Variants in NFAT5 observed in about 807,000 individuals in gnomAD.
NFAT5 encodes nuclear factor of activated T cells 5.
In NFAT5, 31 loss-of-function variants were observed where a neutral mutation model predicts 166.5. The observed-to-expected ratio is 0.19, with a 90% CI of 0.14 to 0.25. The LOEUF is 0.25. NFAT5 is among the 10% of genes least tolerant of loss of function. The pLI is 1.00. For synonymous variants in NFAT5, 612 were observed against 639.7 expected (o/e 0.96, Z 0.65); for missense variants, 1,449 against 1,821.8 (o/e 0.80, Z 3.72).
At chr16:69,677,748 A>AG (rs1330439780) in intron 10 of NFAT5, among the ~76,000 whole-genome samples, 1 of 152,242 alleles carries the variant, frequency 6.6e-6, no homozygotes, top group Non-Finnish European at 1.5e-5. Flanking sequence ...CTAGAGTGAC[A>AG]GGTGATAAAA....
In NFAT5 at chr16:69,693,149, T is replaced by G. The variant is rs986404137; in HGVS notation, c.3324T>G (p.Gly1108=). 3 of 1,613,976 alleles carry G rather than the reference T, an allele frequency of 1.9e-6. No individual in the cohort carries two copies. Among genetic ancestry groups the G allele is most frequent in the Non-Finnish European group, 2.5e-6 (3 of 1,180,012 alleles). ...AGAACCTTTCCCAGGAAACTCAAGGTTCTCTCTTTCATAGTCCAAATCCTA... is the reference window on the plus strand; with the variant it reads ...AGAACCTTTCCCAGGAAACTCAAGGGTCTCTCTTTCATAGTCCAAATCCTA... ...DAQNLSQETQ[G]SLFHSPNPIV... Residue 1108 remains glycine (G), a synonymous_variant, in exon 13 of 15, where the codon GGT becomes GGG. Transcript: ENST00000349945.
chr16:69,651,383 A>T (rs1018816317), intron 4 of NFAT5, among the ~76,000 whole-genome samples: 5 of 152,164 alleles, frequency 3.3e-5, no homozygotes, highest in African/African-American at 1.2e-4. Flanking sequence ...CCAAGGATTC[A>T]ACCTACTCCC....
Position 69,653,386 on chromosome 16 carries a change from C to T in NFAT5, c.963C>T (p.Gly321=). The T allele has an allele frequency of 1.2e-6, 2 of 1,604,312 alleles. No homozygotes were observed. Among genetic ancestry groups the T allele is most frequent in the Non-Finnish European group, 1.7e-6 (2 of 1,177,584 alleles). Residue 321 remains glycine (G), a synonymous_variant, in exon 5 of 15, where the codon GGC becomes GGT. Coordinates refer to ENST00000349945, the MANE Select transcript of NFAT5 (RefSeq NM_138713.4). ...GGTACCTGACTGAGGGCAGCCGTGG[C>T]TCAGTGAAAGATAGAACACAGCAAG... ...RARYLTEGSR[G]SVKDRTQQGF... is the part of the protein sequence containing the mutation.
Position 69,693,480 on chromosome 16 carries a change from G to T in NFAT5, c.3655G>T (p.Ala1219Ser). Residue 1219 changes from alanine to serine, a missense_variant, in exon 13 of 15, where the codon GCA becomes TCA. Around this residue, in one of 7 missense-constraint regions of NFAT5, gnomAD observed 891 missense variants for 993.0 expected, o/e 0.90. Transcript: ENST00000349945. ...GACTCCTATGCTTTCCCAAGAACAG[G>T]CACAACCCCCGCAGCAGGGTTTATT... ...IQTPMLSQEQ[A>S]QPPQQGLFQP... 3.1e-6 allele frequency: 5 copies of T among 1,614,088 alleles called. No homozygotes were observed. Among genetic ancestry groups the T allele is most frequent in the Non-Finnish European group, 4.2e-6 (5 of 1,180,018 alleles).
At chr16:69,691,395 T>G (rs2037539391) in intron 12 of NFAT5, among the ~76,000 whole-genome samples, 1 of 152,208 alleles carries the variant, frequency 6.6e-6, no homozygotes, top group African/African-American at 2.4e-5. Context: ...TCTTATCCCC[T>G]GTAATGTTAC....
chr16:69,692,629 C>G lies in NFAT5; in HGVS notation c.2804C>G (p.Pro935Arg). ...AAAQIQSELFPSTASANGNLQ... is the reference protein window; with the variant it reads ...AAAQIQSELFRSTASANGNLQ... ...GCCCAGATTCAGTCAGAGTTATTCCCTTCAACTGCTTCAGCAAATGGAAAC... is the reference window on the plus strand; with the variant it reads ...GCCCAGATTCAGTCAGAGTTATTCCGTTCAACTGCTTCAGCAAATGGAAAC... Residue 935 changes from proline to arginine, a missense_variant, in exon 13 of 15, where the codon CCT becomes CGT. This residue lies in a region of NFAT5 where 891 missense variants were observed against 993.0 expected (regional missense o/e 0.90). Coordinates refer to ENST00000349945, the MANE Select transcript of NFAT5 (RefSeq NM_138713.4). 2 of 1,614,230 alleles carry G rather than the reference C, an allele frequency of 1.2e-6. No individual in the cohort carries two copies. Among genetic ancestry groups the G allele is most frequent in the South Asian group, 1.1e-5 (1 of 91,082 alleles).
Position 69,703,583 on chromosome 16 carries a change from A to G in NFAT5, c.*7232A>G, listed in dbSNP as rs1043215099. On this transcript the variant is annotated 3_prime_UTR_variant, in exon 15 of 15. Transcript: ENST00000349945. The stretch of plus-strand genomic sequence containing the variant: ...ATTAACTCGTGAAAGAAAAATTCAC[A>G]TATCAGAATAAAAATAAATGTATAC... 6.6e-6 allele frequency: 1 copy of G among 152,636 alleles called. No individual in the cohort carries two copies. Among genetic ancestry groups the G allele is most frequent in the Non-Finnish European group, 1.5e-5 (1 of 68,036 alleles). 9.5% of individuals were successfully genotyped at this position (152,636 alleles called of 1,614,324 possible).
At chr16:69,588,563 T>A (rs1380182185) in intron 2 of NFAT5, among the ~76,000 whole-genome samples, 1 of 152,254 alleles carries the variant, frequency 6.6e-6, no homozygotes, top group Non-Finnish European at 1.5e-5. Flanking sequence ...AATTTAGATA[T>A]GTCTTGTTCT....
intron 4 of NFAT5, among the ~76,000 whole-genome samples, chr16:69,650,114 T>G (rs1220632680): frequency 6.6e-6 from 1 of 152,048 alleles, no homozygotes; most frequent in Non-Finnish European, 1.5e-5. Context: ...AAACCTACTT[T>G]AGGCTTTTTG....
chr16:69,566,398 G>T lies in NFAT5; in HGVS notation c.73+24G>T, dbSNP rs542783284. 33 of 1,523,828 alleles carry T rather than the reference G, an allele frequency of 2.2e-5. No individual in the cohort carries two copies. In the South Asian group the frequency reaches 3.2e-4, roughly 15 times the overall value. The allele number at this position is 1,523,828 out of a possible 1,614,324, so 94.4% of individuals were successfully genotyped here. On this transcript the variant is annotated intron_variant, in intron 1 of 14. Coordinates refer to ENST00000349945, the MANE Select transcript of NFAT5 (RefSeq NM_138713.4). This position sits in a 1 kb window ranked among gnomAD's most constrained non-coding sequence, Gnocchi z 5.7. ...AGGTGAGTCAGGCTGTGGGGGGTGGGGCGTGGGGGCGGGGAGACAGGGAGA... is the reference window on the plus strand; with the variant it reads ...AGGTGAGTCAGGCTGTGGGGGGTGGTGCGTGGGGGCGGGGAGACAGGGAGA...
At chr16:69,642,847 G>GA (rs1002484226) in intron 3 of NFAT5, among the ~76,000 whole-genome samples, 30 of 149,492 alleles carry the variant, frequency 2.0e-4, no homozygotes, top group South Asian at 1.5e-3. Context: ...AAAGAAAAAG[G>GA]AAAAAAAAAG....
At chr16:69,593,890 G>A (rs16958970) in intron 2 of NFAT5, among the ~76,000 whole-genome samples, 33,295 of 152,052 alleles carry the variant, frequency 0.22, 3,948 homozygotes, top group East Asian at 0.45. Flanking sequence ...GTTTTCAGCT[G>A]TATCTATTAA....
At chr16:69,610,850 C>G (rs1272295346) in intron 2 of NFAT5, among the ~76,000 whole-genome samples, 1 of 152,092 alleles carries the variant, frequency 6.6e-6, no homozygotes, top group Non-Finnish European at 1.5e-5. Context: ...TATATTTCTT[C>G]TCTCCTACTA....
intron 3 of NFAT5, chr16:69,646,579 G>A: frequency 1.6e-6 from 2 of 1,219,532 alleles, no homozygotes; most frequent in Non-Finnish European, 2.1e-6. Context: ...TGCTTCATAG[G>A]TTAGAAACTT....
At chr16:69,637,442 A>G (rs1027032770) in intron 3 of NFAT5, among the ~76,000 whole-genome samples, 1 of 151,212 alleles carries the variant, frequency 6.6e-6, no homozygotes, top group African/African-American at 2.4e-5. Flanking sequence ...CATGCTGCTG[A>G]TAAAGACATA....
rs758290599 is a variant in NFAT5, at chr16:69,701,769, A to G, written c.*5418A>G. Reference sequence around the variant, plus strand: ...AGATGGAAATAAATCACTAAAACATAGTTTAGGTAAAGCCTGATTATGCCA... The same window carrying G: ...AGATGGAAATAAATCACTAAAACATGGTTTAGGTAAAGCCTGATTATGCCA... On this transcript the variant is annotated 3_prime_UTR_variant, in exon 15 of 15. Transcript: ENST00000349945. 2.6e-5 allele frequency: 4 copies of G among 152,256 alleles called. No individual in the cohort carries two copies. Among genetic ancestry groups the G allele is most frequent in the Admixed American group, 6.5e-5 (1 of 15,286 alleles). 9.4% of individuals were successfully genotyped at this position (152,256 alleles called of 1,614,324 possible). A position where few individuals can be genotyped will look rare whatever the true frequency, so the allele number is the denominator to read the frequency against.
At position 69,702,315 on chromosome 16, in the gene NFAT5, A is replaced by G. The variant is rs1225146732; in HGVS notation, c.*5964A>G. ...ATATGGATTTTTCTAAAATGACTAT[A>G]TAGGACTTAAGACTTTGAAATGTAA... is the stretch of plus-strand genomic sequence containing the variant. On this transcript the variant is annotated 3_prime_UTR_variant, in exon 15 of 15. Transcript: ENST00000349945. The G allele has an allele frequency of 6.6e-6, 1 of 152,662 alleles. No homozygotes were observed. Among genetic ancestry groups the G allele is most frequent in the East Asian group, 1.9e-4 (1 of 5,202 alleles). The allele number at this position is 152,662 out of a possible 1,614,324, so 9.5% of individuals were successfully genotyped here.
chr16:69,671,209 A>G (rs898568077), intron 9 of NFAT5, among the ~76,000 whole-genome samples: 5 of 152,200 alleles, frequency 3.3e-5, no homozygotes, highest in Non-Finnish European at 7.3e-5. Flanking sequence ...TACACCAGAC[A>G]CAAGTTCAAA....
chr16:69,684,559 C>CA (rs1266203562), intron 10 of NFAT5, among the ~76,000 whole-genome samples: 39 of 147,702 alleles, frequency 2.6e-4, no homozygotes, highest in African/African-American at 7.4e-4. Flanking sequence ...GACTCTGTCG[C>CA]AAAAAAAAAG....
Sources: allele counts gnomAD v4.1 joint callset (sites outside exome capture counted in the v4.1 genomes callset), GRCh38; gene constraint gnomAD v4.1.1; regional missense constraint gnomAD v4.1.1; non-coding constraint Gnocchi (gnomAD v3.1); transcripts MANE v1.5; gene names NCBI Gene and HGNC (gene_info 2026-07-23, HGNC 2026-07-21).